MYO3A: variants seen among roughly 807,000 people sequenced by gnomAD.
MYO3A encodes the protein myosin IIIA.
In MYO3A, 180 loss-of-function variants were observed where a neutral mutation model predicts 192.7. The ratio of observed to expected loss-of-function variants is 0.93; its 90% confidence interval spans 0.83 to 1.06. The LOEUF (loss-of-function observed/expected upper bound fraction) is 1.06, where lower values mean the gene tolerates loss of function less well. Among genes scored for constraint, MYO3A ranks in the 50% least tolerant of loss-of-function variants. The pLI is 0.00. For synonymous variants in MYO3A, 628 were observed against 645.3 expected (o/e 0.97, Z 0.41); for missense variants, 1,896 against 1,905.0 (o/e 1.00, Z 0.09).
intron 7 of MYO3A, 61 bp downstream of exon 7, chr10:26,016,957 A>G (rs1842019423): frequency 1.4e-6 from 2 of 1,433,184 alleles, no homozygotes; most frequent in Non-Finnish European, 2.0e-6. Context: ...TTTCCTTTTT[A>G]TGTGTACTCT....
At chr10:26,144,440 CAA>C (rs1840338396) in intron 21 of MYO3A, among the ~76,000 whole-genome samples, 1 of 151,494 alleles carries the variant, frequency 6.6e-6, no homozygotes, top group East Asian at 1.9e-4. Context: ...AATTTCTCCT[CAA>C]ATTGGACAAT....
At chr10:25,949,390 C>G (rs1006186533) in intron 2 of MYO3A, among the ~76,000 whole-genome samples, 2 of 152,078 alleles carry the variant, frequency 1.3e-5, no homozygotes, top group Non-Finnish European at 2.9e-5. Context: ...TGTTGGTTGA[C>G]AACTCCTATT....
At chr10:26,077,715 G>T (rs1307399665) in intron 14 of MYO3A, among the ~76,000 whole-genome samples, 4 of 152,000 alleles carry the variant, frequency 2.6e-5, no homozygotes, top group Admixed American at 2.6e-4. Context: ...AAGTGATGCT[G>T]GATTTTGTCA....
chr10:25,995,739 C>T (rs1840387048), intron 4 of MYO3A, among the ~76,000 whole-genome samples: 1 of 152,232 alleles, frequency 6.6e-6, no homozygotes, highest in Non-Finnish European at 1.5e-5. Flanking sequence ...CCCTCAGCTG[C>T]AGGTCTGTTG....
intron 32 of MYO3A, among the ~76,000 whole-genome samples, chr10:26,198,522 A>G (rs2132184382): frequency 6.6e-6 from 1 of 152,340 alleles, no homozygotes; most frequent in South Asian, 2.1e-4. Flanking sequence ...TGGCCACTCC[A>G]AAGTCTTTTT....
chr10:26,179,762 TATG>T (rs1323416467), intron 31 of MYO3A, among the ~76,000 whole-genome samples: 1 of 152,264 alleles, frequency 6.6e-6, no homozygotes, highest in Non-Finnish European at 1.5e-5. Flanking sequence ...TTACCTATTT[TATG>T]ATGTTCATCT....
intron 14 of MYO3A, among the ~76,000 whole-genome samples, chr10:26,074,212 A>G (rs755002392): frequency 6.6e-5 from 10 of 152,184 alleles, no homozygotes; most frequent in South Asian, 2.1e-4. Flanking sequence ...CAAAACACCA[A>G]TAGGTTCAAG....
At chr10:26,183,565 A>G (rs1212450684) in intron 31 of MYO3A, among the ~76,000 whole-genome samples, 1 of 152,104 alleles carries the variant, frequency 6.6e-6, no homozygotes, top group Admixed American at 6.5e-5. Flanking sequence ...TAAAACTAAA[A>G]GTCGTTTTCA....
intron 10 of MYO3A, among the ~76,000 whole-genome samples, chr10:26,039,649 T>A (rs1843232684): frequency 6.6e-6 from 1 of 152,124 alleles, no homozygotes; most frequent in Admixed American, 6.5e-5. Context: ...TTATTCTAAA[T>A]TTTTCAATTT....
At chr10:25,946,618 A>G (rs1836847591) in intron 2 of MYO3A, among the ~76,000 whole-genome samples, 1 of 150,352 alleles carries the variant, frequency 6.7e-6, no homozygotes, top group Non-Finnish European at 1.5e-5. Context: ...GGTGGCTCAC[A>G]CCGGTAATCC....
chr10:26,005,278 C>G (rs1356000811), intron 6 of MYO3A, among the ~76,000 whole-genome samples: 1 of 152,034 alleles, frequency 6.6e-6, no homozygotes, highest in Non-Finnish European at 1.5e-5. Context: ...AACCCAAATT[C>G]AGGAACAGTC....
intron 10 of MYO3A, among the ~76,000 whole-genome samples, chr10:26,041,296 TG>T (rs1342138872): frequency 6.6e-6 from 1 of 152,044 alleles, no homozygotes; most frequent in African/African-American, 2.4e-5. Context: ...AGATGAAGTG[TG>T]TTTCTTGTAA....
At chr10:26,103,827 A>G (rs545318100) in intron 17 of MYO3A, among the ~76,000 whole-genome samples, 49 of 152,246 alleles carry the variant, frequency 3.2e-4, no homozygotes, top group African/African-American at 1.1e-3. Flanking sequence ...GAAGGTTCCA[A>G]TTTCTGCATG....
At chr10:26,094,790 A>G (rs1836913297) in intron 15 of MYO3A, among the ~76,000 whole-genome samples, 1 of 152,230 alleles carries the variant, frequency 6.6e-6, no homozygotes, top group Admixed American at 6.5e-5. Flanking sequence ...ACTGCATAAT[A>G]TACAGGGGGA....
At chr10:26,032,653 A>C (rs960681408) in intron 10 of MYO3A, among the ~76,000 whole-genome samples, 8 of 152,148 alleles carry the variant, frequency 5.3e-5, no homozygotes, top group African/African-American at 1.9e-4. Flanking sequence ...AACAAAAAAA[A>C]CACACAGCCC....
intron 4 of MYO3A, among the ~76,000 whole-genome samples, chr10:25,981,097 A>G (rs951472355): frequency 2.0e-5 from 3 of 152,122 alleles, no homozygotes; most frequent in African/African-American, 7.2e-5. Context: ...ATCACACAGT[A>G]TGTAGCCTTT....
intron 7 of MYO3A, among the ~76,000 whole-genome samples, chr10:26,017,360 A>G (rs1842038570): frequency 1.3e-5 from 2 of 152,128 alleles, no homozygotes; most frequent in Admixed American, 1.3e-4. Context: ...TTACATCATT[A>G]CCTTTGGGAG....
chr10:26,010,537 C>T (rs895252503), intron 6 of MYO3A, among the ~76,000 whole-genome samples: 23 of 145,124 alleles, frequency 1.6e-4, no homozygotes, highest in Non-Finnish European at 3.0e-4. Context: ...AATTTCGGCT[C>T]ACTGCAACCT....
intron 34 of MYO3A, among the ~76,000 whole-genome samples, chr10:26,209,991 T>C (rs1844149847): frequency 6.6e-6 from 1 of 152,048 alleles, no homozygotes; most frequent in African/African-American, 2.4e-5. Context: ...TAGTCCCAGC[T>C]ACTCAGGAAG....
Sources: allele counts gnomAD v4.1 joint callset (sites outside exome capture counted in the v4.1 genomes callset), GRCh38; gene constraint gnomAD v4.1.1; transcripts MANE v1.5; gene names NCBI Gene and HGNC (gene_info 2026-07-23, HGNC 2026-07-21).